Variants in FYB1 observed in about 807,000 individuals in gnomAD.
The protein encoded by FYB1 is FYN binding protein 1.
A neutral mutation model predicts 94.1 loss-of-function variants in FYB1; 41 were observed. That is an observed-to-expected ratio of 0.44 (90% confidence interval 0.34 to 0.57). FYB1 has a LOEUF of 0.57. Ranked by LOEUF, FYB1 falls within the 20% of genes least tolerant of loss-of-function variation. The pLI is 0.02. For synonymous variants in FYB1, 367 were observed against 353.2 expected (o/e 1.04, Z -0.44); for missense variants, 1,050 against 976.8 (o/e 1.07, Z -1.00).
At chr5:39,230,383 T>C (rs544058099) in intron 1 of FYB1, among the ~76,000 whole-genome samples, 5 of 152,082 alleles carry the variant, frequency 3.3e-5, no homozygotes, top group African/African-American at 4.8e-5. Context: ...GGCAAAGAAA[T>C]GGAGCCTCCG....
chr5:39,270,111 T>TA lies in FYB1; in HGVS notation c.-28+4291dup, dbSNP rs1417416433. ...CTTTTTTTGCGTCTCTTAATTAAAATAAAAAAATACATTTTCAAACAAAAG... is the reference window on the plus strand; with the variant it reads ...CTTTTTTTGCGTCTCTTAATTAAAATAAAAAAAATACATTTTCAAACAAAAG... On this transcript the variant is annotated intron_variant, in intron 1 of 1. Transcript: ENST00000510188. 3.3e-5 allele frequency among the ~76,000 whole-genome samples: 5 copies of TA among 152,152 alleles called. No individual in the cohort carries two copies. In the East Asian group the frequency reaches 5.8e-4, roughly 18 times the overall value.
intron 1 of FYB1, among the ~76,000 whole-genome samples, chr5:39,211,281 G>A (rs1184748567): frequency 6.6e-6 from 1 of 151,670 alleles, no homozygotes; most frequent in East Asian, 1.9e-4. Context: ...ACCTCAAAGA[G>A]AGACCTAAAT....
intron 16 of FYB1, chr5:39,110,747 A>T: frequency 3.0e-6 from 1 of 329,364 alleles, no homozygotes; most frequent in Admixed American, 4.6e-5. Context: ...GTAAGCATAG[A>T]TTATAAAAGT....
At chr5:39,191,910 TAAAG>T (rs934831520) in intron 2 of FYB1, among the ~76,000 whole-genome samples, 2 of 152,244 alleles carry the variant, frequency 1.3e-5, no homozygotes, top group African/African-American at 4.8e-5. Context: ...ACTCTTTTGT[TAAAG>T]AAGTCAATTT....
intron 1 of FYB1, among the ~76,000 whole-genome samples, chr5:39,217,769 C>T (rs961940521): frequency 6.6e-6 from 1 of 152,202 alleles, no homozygotes; most frequent in African/African-American, 2.4e-5. Context: ...ACTCTCTTCA[C>T]TTTCTTGTTT....
Position 39,219,409 on chromosome 5 carries a change from T to A in FYB1, c.-28+34A>T. On this transcript the variant is annotated intron_variant, in intron 1 of 18. Coordinates refer to ENST00000512982, the MANE Select transcript of FYB1 (RefSeq NM_001465.6). ...TTCCTGCTATAAAAAATTACACATTTATTTGAAAGAAGAAACCTAGGCATA... is the reference window on the plus strand; with the variant it reads ...TTCCTGCTATAAAAAATTACACATTAATTTGAAAGAAGAAACCTAGGCATA... 6.1e-6 allele frequency: 6 copies of A among 984,900 alleles called. No homozygotes were observed. In the African/African-American group the frequency reaches 8.7e-5, roughly 14 times the overall value. 61.0% of individuals were successfully genotyped at this position (984,900 alleles called of 1,614,324 possible). A position where few individuals can be genotyped will look rare whatever the true frequency, so the allele number is the denominator to read the frequency against.
intron 2 of FYB1, 124 bp downstream of exon 2, chr5:39,201,702 C>G: frequency 2.4e-6 from 2 of 836,264 alleles, no homozygotes; most frequent in Non-Finnish European, 3.6e-6. Flanking sequence ...AAAGAAAATT[C>G]ATTATACACA....
chr5:39,241,830 CT>C (rs34776914), intron 1 of FYB1, among the ~76,000 whole-genome samples: 77,206 of 147,600 alleles, frequency 0.52, 21,347 homozygotes, highest in Non-Finnish European at 0.63. Context: ...AGTTTAAGCT[CT>C]TTTTTTTTTT....
intron 2 of FYB1, among the ~76,000 whole-genome samples, chr5:39,184,803 T>C (rs1746596059): frequency 6.6e-6 from 1 of 152,176 alleles, no homozygotes; most frequent in African/African-American, 2.4e-5. Context: ...GATCACTTGT[T>C]GGATACAGGT....
At chr5:39,160,088 G>A (rs1181952123) in intron 2 of FYB1, among the ~76,000 whole-genome samples, 3 of 152,142 alleles carry the variant, frequency 2.0e-5, no homozygotes, top group Non-Finnish European at 4.4e-5. Context: ...AAGAATGAAA[G>A]GCTTAGGTTT....
intron 1 of FYB1, among the ~76,000 whole-genome samples, chr5:39,258,311 T>G (rs1222812708): frequency 6.6e-6 from 1 of 152,060 alleles, no homozygotes; most frequent in South Asian, 2.1e-4. Context: ...ACGAAAGATA[T>G]GAAGCTAGCC....
chr5:39,156,541 A>T (rs1038489900), intron 2 of FYB1, among the ~76,000 whole-genome samples: 2 of 152,220 alleles, frequency 1.3e-5, no homozygotes, highest in African/African-American at 4.8e-5. Flanking sequence ...GAGGCACTAA[A>T]CTAATTGAAC....
At chr5:39,212,650 CTG>C (rs1412447989) in intron 1 of FYB1, 1 of 152,228 alleles carries the variant, frequency 6.6e-6, no homozygotes, top group Non-Finnish European at 1.5e-5. Context: ...AAACAAGACT[CTG>C]TCATAAGATG....
chr5:39,238,498 G>A (rs996316), intron 1 of FYB1, among the ~76,000 whole-genome samples: 24,394 of 151,834 alleles, frequency 0.16, 5,210 homozygotes, highest in African/African-American at 0.47. Flanking sequence ...ACTTTTGTGG[G>A]CCAACCCACC....
At chr5:39,210,340 C>T (rs554435333) in intron 1 of FYB1, among the ~76,000 whole-genome samples, 2 of 152,344 alleles carry the variant, frequency 1.3e-5, no homozygotes, top group East Asian at 1.9e-4. Context: ...CCACAGATAT[C>T]GCTGTGCATT....
At chr5:39,215,041 C>T (rs887420361) in intron 1 of FYB1, among the ~76,000 whole-genome samples, 1 of 152,016 alleles carries the variant, frequency 6.6e-6, no homozygotes, top group Non-Finnish European at 1.5e-5. Flanking sequence ...AGGGAACAGG[C>T]AATTAATGTT....
intron 9 of FYB1, 102 bp downstream of exon 9, chr5:39,134,102 TAGAG>T: frequency 2.7e-6 from 2 of 746,806 alleles, no homozygotes; most frequent in Admixed American, 4.8e-5. Context: ...AGTTTAGTGA[TAGAG>T]AGCAGTAGGA....
rs199924788 is a variant in FYB1 at position 39,126,043 on chromosome 5, C to A, written c.2000G>T (p.Arg667Leu). Residue 667 changes from arginine to leucine, a missense_variant, in exon 12 of 19, where the codon CGA (arginine) becomes CTA (leucine). Arg to Leu is a moderately radical substitution (Grantham distance 102). Coordinates refer to ENST00000512982, the MANE Select transcript of FYB1 (RefSeq NM_001465.6). ...TGAGTCAGAGACTTTAGGTTTCTCT[C>A]GTATACTTTTCTTTCTGTCATCTTT... Reference protein sequence around the residue: ...KGKDDRKKSIREKPKVSDSDN... With the variant: ...KGKDDRKKSILEKPKVSDSDN... 1 of 1,613,424 alleles carries A rather than the reference C, an allele frequency of 6.2e-7. No individual in the cohort carries two copies. Among genetic ancestry groups the A allele is most frequent in the Non-Finnish European group, 8.5e-7 (1 of 1,179,608 alleles).
intron 2 of FYB1, among the ~76,000 whole-genome samples, chr5:39,187,171 T>C (rs777621449): frequency 1.3e-5 from 2 of 151,880 alleles, no homozygotes; most frequent in Non-Finnish European, 2.9e-5. Flanking sequence ...TAAAAAAAGC[T>C]TTCAGCTTAC....
Sources: gnomAD v4.1 joint callset for allele counts (sites outside exome capture counted in the v4.1 genomes callset) on GRCh38, gnomAD v4.1.1 for gene constraint, MANE v1.5 for transcripts, NCBI Gene and HGNC (gene_info 2026-07-23, HGNC 2026-07-21) for gene names.